MAU2: variants seen among roughly 807,000 people sequenced by gnomAD.
The protein encoded by MAU2 is MAU2 chromatid cohesion factor homolog.
MAU2 carries 9 observed loss-of-function variants against 89.1 expected under a neutral mutation model. The ratio of observed to expected loss-of-function variants is 0.10; its 90% CI spans 0.06 to 0.18. The LOEUF is 0.18. MAU2 is among the 10% of genes least tolerant of loss of function. MAU2 has a pLI of 1.00. For missense variants in MAU2, 425 were observed against 803.5 expected, an observed-to-expected ratio of 0.53 and a Z score of 5.69; for synonymous variants, 357 against 343.4, an observed-to-expected ratio of 1.04 and a Z score of -0.44.
intron 1 of MAU2, 80 bp downstream of exon 1, chr19:19,321,215 TG>T: frequency 2.2e-6 from 3 of 1,390,722 alleles, no homozygotes; most frequent in African/African-American, 1.5e-5. Flanking sequence ...CCGCGGCGGG[TG>T]GGGGGCCGCT....
rs2061679409 is a variant in MAU2 at position 19,344,625 on chromosome 19, G to A, written c.1078-224G>A. 5.8e-5 allele frequency: 34 copies of A among 589,258 alleles called. No individual in the cohort carries two copies. In the South Asian group the frequency reaches 6.4e-4, roughly 11 times the overall value. 36.5% of individuals were successfully genotyped at this position (589,258 alleles called of 1,614,324 possible). A position where few individuals can be genotyped will look rare whatever the true frequency, so the allele number is the denominator to read the frequency against. On this transcript the variant is annotated intron_variant, in intron 10 of 18. Transcript: ENST00000262815. ...GAGGTCCTTTACAACCCAGACACCT[G>A]TTGGACAGAGTGGAAGAGACGAGTA...
rs1019894794 is a variant in MAU2 at position 19,345,543 on chromosome 19, T to G, written c.1221+174T>G. On this transcript the variant is annotated intron_variant, in intron 12 of 18. Transcript: ENST00000262815. This position sits in a 1 kb window ranked among gnomAD's most constrained non-coding sequence, Gnocchi z 4.9. ...AGCCTTGGCAGTGACGCGCTGTTTA[T>G]CTGGATAAGGGACAGCTATGGGGCC... 6.6e-6 allele frequency among the ~76,000 whole-genome samples: 1 copy of G among 152,158 alleles called. No individual in the cohort carries two copies. The highest frequency in any genetic ancestry group is 2.4e-5 in the African/African-American group (1 of 41,430).
At position 19,347,285 on chromosome 19, in the gene MAU2, C is replaced by G. The variant is rs187410457; in HGVS notation, c.1227C>G (p.Thr409=). The change falls in exon 13 of 19, where the codon ACC becomes ACG. Residue 409 remains threonine, a synonymous_variant. Coordinates refer to ENST00000262815, the MANE Select transcript of MAU2 (RefSeq NM_015329.4). ...EAQFTTALRL[T]NHQELWAFIV... is the part of the protein sequence containing the mutation. ...GTCCCCGCCTCCCATTCCAGCTCAC[C>G]AACCACCAGGAGCTGTGGGCCTTCA... 1.5e-5 allele frequency: 25 copies of G among 1,613,564 alleles called. No individual in the cohort carries two copies. The Admixed American group carries it at 2.5e-4, about 16-fold the overall frequency.
chr19:19,334,428 T>TGTGCTTTCCCA, intron 1 of MAU2: 9 of 985,756 alleles, frequency 9.1e-6, no homozygotes, highest in Non-Finnish European at 1.1e-5. Flanking sequence ...GATGCAGCTC[T>TGTGCTTTCCCA]GTGCTTTCCC....
chr19:19,334,254 C>T (rs961276818), intron 1 of MAU2: 1 of 985,434 alleles, frequency 1.0e-6, no homozygotes, highest in East Asian at 1.1e-4. Flanking sequence ...GACCCCGAGC[C>T]CCTCCTGTCC....
intron 1 of MAU2, among the ~76,000 whole-genome samples, chr19:19,328,013 G>C (rs1280828555): frequency 2.0e-5 from 3 of 152,066 alleles, no homozygotes; most frequent in African/African-American, 7.2e-5. Flanking sequence ...TTGAAAATTA[G>C]CGGGCCCGTG....
rs115808044 is a variant in MAU2 at position 19,334,248 on chromosome 19, C to G, written c.277-1470C>G. 2,473 of 985,566 alleles carry G rather than the reference C, an allele frequency of 2.5e-3. 51 individuals are homozygous for G. In the African/African-American group the frequency reaches 0.04, roughly 16 times the overall value. 61.1% of individuals were successfully genotyped at this position (985,566 alleles called of 1,614,324 possible). A position where few individuals can be genotyped will look rare whatever the true frequency, so the allele number is the denominator to read the frequency against. On this transcript the variant is annotated intron_variant, in intron 1 of 18. Transcript: ENST00000262815. ...TGCTGGCCCCGCCACTCTGAGGACC[C>G]CGAGCCCCTCCTGTCCGTGCCACAA...
Position 19,347,342 on chromosome 19 carries a change from G to A in MAU2, c.1284G>A (p.Arg428=). ...IVTNLASVYI[R]EGNRHQEVLY... is the part of the protein sequence containing the mutation. ...CCAACCTGGCGAGTGTGTATATACG[G>A]GAAGGAAATAGACACCAAGAGGTAG... Residue 428 remains arginine (R), a synonymous_variant, in exon 13 of 19, where the codon CGG becomes CGA. Coordinates refer to ENST00000262815, the MANE Select transcript of MAU2 (RefSeq NM_015329.4). The A allele has an allele frequency of 6.2e-7, 1 of 1,613,610 alleles. No homozygotes were observed. The highest frequency in any genetic ancestry group is 8.5e-7 in the Non-Finnish European group (1 of 1,179,748).
rs146468051 is a variant in MAU2 at position 19,349,224 on chromosome 19, C to T, written c.1428C>T (p.Asn476=). ...TCTCCTTCTTCCAGGGACGCTACAACGAGGCCAAGTAAGTGTGGGGCAGAG... is the reference window on the plus strand; with the variant it reads ...TCTCCTTCTTCCAGGGACGCTACAATGAGGCCAAGTAAGTGTGGGGCAGAG... ...GLFSFFQGRY[N]EAKRFLRETL... Residue 476 remains asparagine, a synonymous_variant, in exon 15 of 19, where the codon AAC becomes AAT. Coordinates refer to ENST00000262815, the MANE Select transcript of MAU2 (RefSeq NM_015329.4). 3.0e-5 allele frequency: 48 copies of T among 1,614,086 alleles called. No homozygotes were observed. Among genetic ancestry groups the T allele is most frequent in the East Asian group, 4.5e-5 (2 of 44,902 alleles).
At chr19:19,349,528 C>T (rs1460225432) in intron 16 of MAU2, 92 bp downstream of exon 16, 1 of 1,085,156 alleles carries the variant, frequency 9.2e-7, no homozygotes, top group East Asian at 2.4e-5. Flanking sequence ...TGGCATGGCA[C>T]TGTTCATCCT....
At chr19:19,339,110 C>G (rs2061619879) in intron 5 of MAU2, among the ~76,000 whole-genome samples, 171 bp downstream of exon 5, 4 of 152,110 alleles carry the variant, frequency 2.6e-5, no homozygotes, top group Non-Finnish European at 5.9e-5. Context: ...CCCAGGAGTT[C>G]AAGACCAGCC....
chr19:19,342,467 G>A, intron 7 of MAU2, 68 bp from the exon 8 acceptor site: 26 of 1,499,014 alleles, frequency 1.7e-5, no homozygotes, highest in South Asian at 9.5e-5. Flanking sequence ...GAGCAGGGGT[G>A]GCTGGGCTGG....
chr19:19,330,382 C>G lies in MAU2; in HGVS notation c.277-5336C>G, dbSNP rs191005533. Reference sequence around the variant, plus strand: ...GGCTGAGGTGGTAGTATCTCCTGAGCCCAGGAGTTTGAGACCAGCCTGGGC... The same window carrying G: ...GGCTGAGGTGGTAGTATCTCCTGAGGCCAGGAGTTTGAGACCAGCCTGGGC... On this transcript the variant is annotated intron_variant, in intron 1 of 18. Transcript: ENST00000262815. 1.3e-3 allele frequency among the ~76,000 whole-genome samples: 190 copies of G among 151,772 alleles called. No individual in the cohort carries two copies. The Middle Eastern group carries it at 0.014, about 11-fold the overall frequency.
intron 1 of MAU2, among the ~76,000 whole-genome samples, chr19:19,323,614 C>T (rs1439832798): frequency 6.6e-6 from 1 of 152,136 alleles, no homozygotes; most frequent in Non-Finnish European, 1.5e-5. Context: ...TCAAGCAGTC[C>T]TCCCATCTCA....
At chr19:19,343,983 T>C (rs780653643) in intron 10 of MAU2, 43 bp downstream of exon 10, 9 of 1,519,012 alleles carry the variant, frequency 5.9e-6, no homozygotes, top group Admixed American at 1.7e-5. Context: ...CAGGAGTTTG[T>C]TGGGTCTCAG....
chr19:19,349,373 C>T lies in MAU2; in HGVS notation c.1485C>T (p.Asn495=). ...TLKMSNAEDL[N]RLTACSLVLL... ...AGATGTCCAATGCTGAGGACCTGAA[C>T]CGGCTCACAGCCTGCTCCCTCGTGC... Residue 495 remains asparagine, a synonymous_variant, in exon 16 of 19, where the codon AAC becomes AAT. Coordinates refer to ENST00000262815, the MANE Select transcript of MAU2 (RefSeq NM_015329.4). 6.2e-7 allele frequency: 1 copy of T among 1,614,206 alleles called. No homozygotes were observed. The highest frequency in any genetic ancestry group is 8.5e-7 in the Non-Finnish European group (1 of 1,180,044).
At chr19:19,340,179 AAAAAT>A (rs1372080199) in intron 5 of MAU2, among the ~76,000 whole-genome samples, 12 of 150,200 alleles carry the variant, frequency 8.0e-5, no homozygotes, top group Admixed American at 6.6e-5. Context: ...AAAAAAAAAA[AAAAAT>A]TAACCAGGCA....
chr19:19,330,479 G>A (rs1002036620), intron 1 of MAU2, among the ~76,000 whole-genome samples: 3 of 152,022 alleles, frequency 2.0e-5, no homozygotes, highest in East Asian at 2.0e-4. Context: ...CATGGCTCAC[G>A]CCTGTAATCC....
chr19:19,326,721 C>CGT lies in MAU2; in HGVS notation c.276+5586_276+5587insGT, dbSNP rs1555792868. ...ATATATGTATATATATATATATATA[C>CGT]ATATATATATATATACACAAAAATT... On this transcript the variant is annotated intron_variant, in intron 1 of 18. Transcript: ENST00000262815. 5.6e-3 allele frequency among the ~76,000 whole-genome samples: 456 copies of CGT among 80,842 alleles called. 24 individuals are homozygous for CGT. The highest frequency in any genetic ancestry group is 8.6e-3 in the Non-Finnish European group (342 of 39,686). 53.0% of individuals were successfully genotyped at this position (80,842 alleles called of 152,430 possible). A position where few individuals can be genotyped will look rare whatever the true frequency, so the allele number is the denominator to read the frequency against.
Sources: gnomAD v4.1 joint callset for allele counts (sites outside exome capture counted in the v4.1 genomes callset) on GRCh38, gnomAD v4.1.1 for gene constraint, Gnocchi (gnomAD v3.1) non-coding constraint, MANE v1.5 for transcripts, NCBI Gene and HGNC (gene_info 2026-07-23, HGNC 2026-07-21) for gene names.